PPP1R21: variants seen among roughly 807,000 people sequenced by gnomAD.
PPP1R21 encodes KLRAQ motif containing 1.
A neutral mutation model predicts 112.8 loss-of-function variants in PPP1R21; 85 were observed. The observed-to-expected ratio is 0.75, with a 90% CI of 0.63 to 0.90. PPP1R21 has a LOEUF of 0.90. PPP1R21 is among the 40% of genes least tolerant of loss of function. The pLI is 0.00. For missense variants in PPP1R21, 1,199 were observed against 901.5 expected (o/e 1.33, Z -4.23); for synonymous variants, 381 against 322.3 (o/e 1.18, Z -1.95).
chr2:48,511,557 A>T, intron 21 of PPP1R21, 89 bp downstream of exon 21: 1 of 1,500,874 alleles, frequency 6.7e-7, no homozygotes, highest in Non-Finnish European at 9.1e-7. Flanking sequence ...GGAAGAGGAC[A>T]TAAGATTTAA....
chr2:48,490,670 A>G (rs953594115), intron 14 of PPP1R21, among the ~76,000 whole-genome samples: 4 of 152,240 alleles, frequency 2.6e-5, no homozygotes, highest in Middle Eastern at 3.2e-3. Flanking sequence ...AGAAATCCGA[A>G]CATGGATATT....
Position 48,498,513 on chromosome 2 carries a change from G to T in PPP1R21, c.1713G>T (p.Lys571Asn). 6.2e-7 allele frequency: 1 copy of T among 1,614,072 alleles called. No homozygotes were observed. The highest frequency in any genetic ancestry group is 8.5e-7 in the Non-Finnish European group (1 of 1,179,960). ...TCAAGGTTCAACAGAGTTTGGAAAA[G>T]ATTTCTAAACTGGAGCAGGAAAAAG... ...LAQQVQQSLE[K>N]ISKLEQEKEH... Residue 571 changes from lysine (K) to asparagine (N), a missense_variant, in exon 17 of 22, where the codon AAG becomes AAT. Transcript: ENST00000294952.
chr2:48,500,496 C>T (rs1670061144), intron 17 of PPP1R21, among the ~76,000 whole-genome samples: 1 of 150,924 alleles, frequency 6.6e-6, no homozygotes, highest in Admixed American at 6.6e-5. Context: ...GGGAAAAAAC[C>T]CAAGAATTAA....
At chr2:48,495,893 T>G (rs1669814138) in intron 16 of PPP1R21, 122 bp downstream of exon 16, 1 of 609,708 alleles carries the variant, frequency 1.6e-6, no homozygotes, top group African/African-American at 1.8e-5. Flanking sequence ...TGAAATGAAT[T>G]GTTTAATACA....
In PPP1R21 at chr2:48,458,235, A is replaced by T; in HGVS notation, c.375+8A>T. The T allele has an allele frequency of 6.3e-7, 1 of 1,587,142 alleles. No individual in the cohort carries two copies. Among genetic ancestry groups the T allele is most frequent in the South Asian group, 1.1e-5 (1 of 90,308 alleles). On this transcript the variant is annotated splice_region_variant and intron_variant, in intron 4 of 21. Coordinates refer to ENST00000294952, the MANE Select transcript of PPP1R21 (RefSeq NM_001135629.3). ...GAACGGTTGCATATACAAGTGAGAA[A>T]ATCTGTTTTTCTATGTGAATTAAAA... is the stretch of plus-strand genomic sequence containing the variant.
intron 18 of PPP1R21, 114 bp from the exon 19 acceptor site, chr2:48,507,155 C>G: frequency 7.4e-7 from 1 of 1,354,426 alleles, no homozygotes; most frequent in East Asian, 3.0e-5. Flanking sequence ...ACAGTGATTC[C>G]CCATCAAAGT....
chr2:48,509,627 C>T (rs1190729372), intron 19 of PPP1R21, among the ~76,000 whole-genome samples: 2 of 151,984 alleles, frequency 1.3e-5, no homozygotes, highest in African/African-American at 2.4e-5. Flanking sequence ...ATCACTTGAA[C>T]CCGGGAGGTG....
At chr2:48,446,739 G>A (rs540678980) in intron 1 of PPP1R21, among the ~76,000 whole-genome samples, 1 of 152,198 alleles carries the variant, frequency 6.6e-6, no homozygotes, top group South Asian at 2.1e-4. Flanking sequence ...TGGCAGGTGG[G>A]AAATGAATAC....
At chr2:48,491,299 G>T (rs116288418) in intron 15 of PPP1R21, 129 bp downstream of exon 15, 27,791 of 1,020,666 alleles carry the variant, frequency 0.027, 445 homozygotes, top group Non-Finnish European at 0.033. Context: ...TTGTTGGTGG[G>T]TGTTGGGGGA....
intron 16 of PPP1R21, among the ~76,000 whole-genome samples, chr2:48,498,151 A>G (rs974444278): frequency 4.0e-5 from 6 of 150,576 alleles, no homozygotes; most frequent in South Asian, 2.1e-4. Context: ...TGAGTTGTCT[A>G]TCTTATTGGT....
chr2:48,482,499 T>A (rs943073561), intron 13 of PPP1R21, among the ~76,000 whole-genome samples: 1 of 152,308 alleles, frequency 6.6e-6, no homozygotes, highest in Admixed American at 6.5e-5. Flanking sequence ...TTTATAACAG[T>A]ATCAAGGGTT....
chr2:48,499,751 C>A (rs1307811222), intron 17 of PPP1R21, among the ~76,000 whole-genome samples: 1 of 152,004 alleles, frequency 6.6e-6, no homozygotes, highest in African/African-American at 2.4e-5. Flanking sequence ...GTATTTCTTG[C>A]CTTATTGATA....
intron 7 of PPP1R21, 120 bp from the exon 8 acceptor site, chr2:48,464,817 A>C: frequency 1.5e-6 from 1 of 651,254 alleles, no homozygotes; most frequent in Non-Finnish European, 2.6e-6. Flanking sequence ...TGTATTGTTG[A>C]TCATTTTAAA....
intron 9 of PPP1R21, among the ~76,000 whole-genome samples, chr2:48,469,390 TAGAGCATATATATATAG>T (rs1474972628): frequency 5.9e-5 from 4 of 68,280 alleles, no homozygotes; most frequent in Non-Finnish European, 1.4e-4. Context: ...CATATATATA[TAGAGCATATATATATAG>T]AGAGAGAGCA....
chr2:48,486,853 T>C (rs1249951997), intron 14 of PPP1R21, 95 bp downstream of exon 14: 1 of 1,364,660 alleles, frequency 7.3e-7, no homozygotes, highest in Non-Finnish European at 1.0e-6. Context: ...AAGGATTTTG[T>C]AATATAAGGG....
At chr2:48,513,117 A>T (rs1487472774) in intron 21 of PPP1R21, among the ~76,000 whole-genome samples, 1 of 152,198 alleles carries the variant, frequency 6.6e-6, no homozygotes, top group Admixed American at 6.5e-5. Flanking sequence ...GAATTGAGAA[A>T]GGTACATGTT....
At chr2:48,514,246 C>T (rs11693784) in intron 21 of PPP1R21, among the ~76,000 whole-genome samples, 13,855 of 151,812 alleles carry the variant, frequency 0.091, 723 homozygotes, top group Non-Finnish European at 0.12. Flanking sequence ...CCACCATGCC[C>T]GGCTAATTTT....
chr2:48,499,057 A>G (rs1465062691), intron 17 of PPP1R21, among the ~76,000 whole-genome samples: 1 of 149,078 alleles, frequency 6.7e-6, no homozygotes, highest in Non-Finnish European at 1.5e-5. Flanking sequence ...TAATCCTATT[A>G]GGTTATTTCC....
chr2:48,467,969 T>G (rs111503929), intron 9 of PPP1R21, among the ~76,000 whole-genome samples: 3,130 of 152,314 alleles, frequency 0.021, 91 homozygotes, highest in African/African-American at 0.069. Context: ...GCTTCTTCTG[T>G]GCATCATGCA....
Sources: gnomAD v4.1 joint callset for allele counts (sites outside exome capture counted in the v4.1 genomes callset) on GRCh38, gnomAD v4.1.1 for gene constraint, MANE v1.5 for transcripts, NCBI Gene and HGNC (gene_info 2026-07-23, HGNC 2026-07-21) for gene names.